Variants in ZNF688 observed in about 807,000 individuals in gnomAD.
ZNF688 encodes zinc finger protein 688.
ZNF688 carries 10 observed loss-of-function variants against 13.2 expected under a neutral mutation model. The ratio of observed to expected loss-of-function variants is 0.76; its 90% CI spans 0.47 to 1.28. The LOEUF (loss-of-function observed/expected upper bound fraction) is 1.28, where lower values mean the gene tolerates loss of function less well. ZNF688 is among the 50% of genes most tolerant of loss of function. ZNF688 has a pLI of 0.00. For synonymous variants in ZNF688, 160 were observed against 159.4 expected, an observed-to-expected ratio of 1.00 and a Z score of -0.03; for missense variants, 381 against 391.4, an observed-to-expected ratio of 0.97 and a Z score of 0.22.
intron 1 of ZNF688, 133 bp downstream of exon 1, chr16:30,571,301 C>A: frequency 6.5e-7 from 1 of 1,537,964 alleles, no homozygotes; most frequent in Non-Finnish European, 8.7e-7. Flanking sequence ...ACCTGAAGCC[C>A]TGGGAACGGG....
At chr16:30,578,948 T>A in the ZNF688 span, 1 of 151,680 alleles carries the variant, frequency 6.6e-6, no homozygotes, top group Non-Finnish European at 1.5e-5. Flanking sequence ...TCCCCCACCA[T>A]GCTCGGCTAA....
At chr16:30,571,893 T>C, upstream of ZNF688, 9 of 1,279,390 alleles carry the variant, frequency 7.0e-6, no homozygotes, top group Non-Finnish European at 7.9e-6. Flanking sequence ...AGGTGCCTTC[T>C]GAAAATATGG....
chr16:30,578,503 A>G, the ZNF688 span: 1 of 152,192 alleles, frequency 6.6e-6, no homozygotes, highest in Non-Finnish European at 1.5e-5. Context: ...AGTACAACTG[A>G]ACTTTAAGTG....
the ZNF688 span, chr16:30,579,569 T>TG: frequency 3.5e-6 from 1 of 286,086 alleles, no homozygotes; most frequent in Admixed American, 4.2e-5. Flanking sequence ...TTGGTAGAGA[T>TG]GGGGTTTCAC....
rs758407842 is a variant in ZNF688, at chr16:30,570,031, C to T, written c.716G>A (p.Gly239Glu). Residue 239 changes from glycine (G) to glutamate (E), a missense_variant, in exon 3 of 3, where the codon GGG becomes GAG. Coordinates refer to ENST00000223459, the MANE Select transcript of ZNF688 (RefSeq NM_145271.4). ...HQWIHRSCSGGRRGRRPGIRA... is the reference protein window; with the variant it reads ...HQWIHRSCSGERRGRRPGIRA... ...GATCCCAGGCCTCCGGCCCCGCCGCCCCCCGGAGCAGGAGCGGTGGATCCA... is the reference window on the plus strand; with the variant it reads ...GATCCCAGGCCTCCGGCCCCGCCGCTCCCCGGAGCAGGAGCGGTGGATCCA... The T allele has an allele frequency of 1.9e-6, 3 of 1,611,066 alleles. No homozygotes were observed. Among genetic ancestry groups the T allele is most frequent in the Non-Finnish European group, 8.5e-7 (1 of 1,179,336 alleles).
the ZNF688 span, chr16:30,578,354 A>G: frequency 6.6e-6 from 1 of 152,120 alleles, no homozygotes; most frequent in East Asian, 1.9e-4. Flanking sequence ...AGAACAACAA[A>G]ATGCTCTTGC....
At chr16:30,574,079 T>C (rs57079507), upstream of ZNF688, among the ~76,000 whole-genome samples, 2,414 of 152,160 alleles carry the variant, frequency 0.016, 64 homozygotes, top group African/African-American at 0.055. Flanking sequence ...AAACTCCATC[T>C]CTACTAAAAA....
In ZNF688 at chr16:30,571,030, CT is replaced by C; in HGVS notation, c.289del (p.Arg97AspfsTer32). On this transcript the variant is annotated frameshift_variant, in exon 2 of 3. Transcript: ENST00000223459. LOFTEE classifies it low-confidence loss of function (END_TRUNC). Reference protein sequence around the residue: ...PAAQDPEKGERLGGARRGDVP... With the variant: ...PAAQDPEKGEXLGGARRGDVP... The stretch of plus-strand genomic sequence containing the variant: ...CTCACCTCTCCGAGCTCCTCCCAGT[CT>C]TTCCCCCTTCTCAGGATCCTGGGCG... The C allele has an allele frequency of 6.2e-7, 1 of 1,613,600 alleles. No individual in the cohort carries two copies. The highest frequency in any genetic ancestry group is 1.1e-5 in the South Asian group (1 of 91,056).
At chr16:30,576,869 A>G (rs907810953), upstream of ZNF688, among the ~76,000 whole-genome samples, 5 of 152,220 alleles carry the variant, frequency 3.3e-5, no homozygotes, top group East Asian at 9.6e-4. Flanking sequence ...CCCTGGGTTC[A>G]GGTGATCCTC....
rs1419725322 is a variant in ZNF688 at position 30,570,260 on chromosome 16, T to C, written c.487A>G (p.Thr163Ala). The C allele has an allele frequency of 1.2e-6, 2 of 1,613,632 alleles. No homozygotes were observed. The highest frequency in any genetic ancestry group is 1.7e-6 in the Non-Finnish European group (2 of 1,179,920). ...ATGGGTGCCGGGGGCTGTGCTCCTG[T>C]GGTCGGGTCCCAGGCAGCATTTTTG... ...PPKNAAWDPT[T>A]GAQPPAPIPS... Residue 163 changes from threonine (T) to alanine (A), a missense_variant, in exon 3 of 3, where the codon ACA becomes GCA. Physicochemically the swap from Thr to Ala is moderately conservative, Grantham distance 58. Coordinates refer to ENST00000223459, the MANE Select transcript of ZNF688 (RefSeq NM_145271.4).
upstream of ZNF688, chr16:30,572,264 A>G: frequency 6.5e-7 from 1 of 1,541,948 alleles, no homozygotes. Context: ...AGCGCAGCGG[A>G]GACCTCGGCA....
chr16:30,575,651 CT>C (rs1167548531), upstream of ZNF688, among the ~76,000 whole-genome samples: 1 of 150,010 alleles, frequency 6.7e-6, no homozygotes, highest in East Asian at 1.9e-4. Flanking sequence ...GTTCCCTTCT[CT>C]TTTTTTTTCT....
At chr16:30,572,444 C>T, upstream of ZNF688, 1 of 651,552 alleles carries the variant, frequency 1.5e-6, no homozygotes, top group Non-Finnish European at 2.2e-6. Context: ...GCTGCGGAGT[C>T]CACCCAGCCC....
Position 30,571,595 on chromosome 16 carries a change from C to T in ZNF688, c.35G>A (p.Arg12Lys), listed in dbSNP as rs1010843972. 7 of 1,532,898 alleles carry T rather than the reference C, an allele frequency of 4.6e-6. No homozygotes were observed. The highest frequency in any genetic ancestry group is 4.2e-5 in the African/African-American group (3 of 71,210). 95.0% of individuals were successfully genotyped at this position (1,532,898 alleles called of 1,614,324 possible). A position where few individuals can be genotyped will look rare whatever the true frequency, so the allele number is the denominator to read the frequency against. The change falls in exon 1 of 3, where the codon AGG becomes AAG. Residue 12 changes from arginine (R) to lysine (K), a missense_variant. Arg to Lys is a conservative substitution (Grantham distance 26, BLOSUM62 2). Coordinates refer to ENST00000223459, the MANE Select transcript of ZNF688 (RefSeq NM_145271.4). ...APPPAPLLAPRPGETRPGCRK... is the reference protein window; with the variant it reads ...APPPAPLLAPKPGETRPGCRK... ...GCAACCAGGCCGGGTCTCCCCGGGCCTCGGCGCCAGGAGCGGGGCTGGGGG... is the reference window on the plus strand; with the variant it reads ...GCAACCAGGCCGGGTCTCCCCGGGCTTCGGCGCCAGGAGCGGGGCTGGGGG...
chr16:30,578,272 C>T, the ZNF688 span: 1 of 152,270 alleles, frequency 6.6e-6, no homozygotes, highest in African/African-American at 2.4e-5. Context: ...GAGGTCGAGG[C>T]TGCAGTGAGC....
upstream of ZNF688, among the ~76,000 whole-genome samples, chr16:30,575,563 TTTG>T (rs1252242718): frequency 6.6e-6 from 1 of 151,476 alleles, no homozygotes; most frequent in Non-Finnish European, 1.5e-5. Flanking sequence ...TAGTTCTGTT[TTTG>T]TTTTTTTCAG....
At chr16:30,570,592 G>A (rs996920346) in intron 2 of ZNF688, 156 bp from the exon 3 acceptor site, 47 of 930,908 alleles carry the variant, frequency 5.0e-5, no homozygotes, top group Non-Finnish European at 6.9e-5. Context: ...TCTCCTAAAA[G>A]TGCCTTATCT....
At chr16:30,577,814 C>G in the ZNF688 span, among the ~76,000 whole-genome samples, 1 of 151,944 alleles carries the variant, frequency 6.6e-6, no homozygotes, top group Non-Finnish European at 1.5e-5. Context: ...TCCCAAGTAG[C>G]TGAAAACAGC....
chr16:30,571,774 G>T, upstream of ZNF688: 5 of 1,328,876 alleles, frequency 3.8e-6, no homozygotes, highest in Non-Finnish European at 4.8e-6. Flanking sequence ...GAAGTAGCAG[G>T]GACTGGCTGC....
Sources: allele counts gnomAD v4.1 joint callset (sites outside exome capture counted in the v4.1 genomes callset), GRCh38; gene constraint gnomAD v4.1.1; transcripts MANE v1.5; gene names NCBI Gene and HGNC (gene_info 2026-07-23, HGNC 2026-07-21).